The following PTPRN2 variants were observed in gnomAD, a reference collection of about 807,000 sequenced individuals.
PTPRN2 encodes protein tyrosine phosphatase receptor type N2, also known as receptor-type tyrosine-protein phosphatase N2.
Under a neutral mutation model 118.8 loss-of-function variants are expected in PTPRN2, and 74 were observed. The ratio of observed to expected loss-of-function variants is 0.62; its 90% CI spans 0.52 to 0.76. The LOEUF (loss-of-function observed/expected upper bound fraction) is 0.76, where lower values mean the gene tolerates loss of function less well. Among genes scored for constraint, PTPRN2 ranks in the 30% least tolerant of loss-of-function variants. PTPRN2 has a pLI of 0.00. For synonymous variants in PTPRN2, 641 were observed against 608.0 expected, an observed-to-expected ratio of 1.05 and a Z score of -0.80; for missense variants, 1,481 against 1,394.4, an observed-to-expected ratio of 1.06 and a Z score of -0.99.
intron 6 of PTPRN2, among the ~76,000 whole-genome samples, chr7:158,154,508 TC>T (rs749777402): frequency 6.6e-6 from 1 of 152,172 alleles, no homozygotes; most frequent in Non-Finnish European, 1.5e-5. Flanking sequence ...TTCCTTTGAC[TC>T]CCTTTGGTTC....
chr7:158,354,892 C>T (rs1808268962), intron 2 of PTPRN2, among the ~76,000 whole-genome samples: 1 of 152,132 alleles, frequency 6.6e-6, no homozygotes, highest in Non-Finnish European at 1.5e-5. Flanking sequence ...ACTGTCAAAG[C>T]TCAAGGGCAA....
intron 17 of PTPRN2, among the ~76,000 whole-genome samples, chr7:157,589,230 C>T (rs959496412): frequency 1.3e-5 from 2 of 152,170 alleles, no homozygotes; most frequent in African/African-American, 2.4e-5. Context: ...ATGGCTTCAT[C>T]GCAGGGTCAA....
intron 10 of PTPRN2, among the ~76,000 whole-genome samples, chr7:158,100,032 C>T (rs368393867): frequency 4.0e-5 from 6 of 151,690 alleles, no homozygotes; most frequent in East Asian, 3.9e-4. Flanking sequence ...GTGCACCCTC[C>T]TGCCACCCTT....
rs1804044012 is a variant in PTPRN2 at position 157,632,806 on chromosome 7, A to G, written c.2197-11297T>C. Among the ~76,000 whole-genome samples the G allele has an allele frequency of 6.6e-6, 1 of 152,242 alleles. No individual in the cohort carries two copies. On this transcript the variant is annotated intron_variant, in intron 14 of 22. Coordinates refer to ENST00000389418, the MANE Select transcript of PTPRN2 (RefSeq NM_002847.5). This position sits in a 1 kb window ranked among gnomAD's most constrained non-coding sequence, Gnocchi z 4.3. ...TGAACATAGGTAAAATACAGAGATG[A>G]ATGCTTATAAGCAATGGAAAATAAT...
intron 12 of PTPRN2, among the ~76,000 whole-genome samples, chr7:157,895,310 G>A (rs1440806473): frequency 1.3e-5 from 2 of 150,548 alleles, no homozygotes; most frequent in African/African-American, 2.5e-5. Context: ...TAAGCCAGAG[G>A]ATCTGGACGA....
At chr7:158,352,702 C>G (rs552819849) in intron 2 of PTPRN2, among the ~76,000 whole-genome samples, 12 of 152,322 alleles carry the variant, frequency 7.9e-5, no homozygotes, top group African/African-American at 2.9e-4. Flanking sequence ...TTGACAAAAA[C>G]GAATCACACC....
chr7:157,774,194 CA>C (rs1413252205), intron 12 of PTPRN2, among the ~76,000 whole-genome samples: 3 of 152,172 alleles, frequency 2.0e-5, no homozygotes, highest in African/African-American at 7.2e-5. Flanking sequence ...CAAAAACAGA[CA>C]ATCTATTTTT....
chr7:157,947,842 A>G (rs1173871636), intron 11 of PTPRN2, among the ~76,000 whole-genome samples: 5 of 152,244 alleles, frequency 3.3e-5, no homozygotes, highest in African/African-American at 1.2e-4. Context: ...GAGATCGTCA[A>G]TAAGATCAAC....
intron 2 of PTPRN2, among the ~76,000 whole-genome samples, chr7:158,481,904 A>G (rs1479212525): frequency 6.6e-6 from 1 of 152,222 alleles, no homozygotes; most frequent in Non-Finnish European, 1.5e-5. Flanking sequence ...CTTGCGATTC[A>G]TGGAGGGAGG....
chr7:157,615,350 C>T lies in PTPRN2; in HGVS notation c.2344+6012G>A, dbSNP rs1289877983. ...CTGGGGTAGTGTAGGCTGCACTCTC[C>T]GGGGAGCCGCTGACCTTGGGCTCCC... On this transcript the variant is annotated intron_variant, in intron 15 of 22. Coordinates refer to ENST00000389418, the MANE Select transcript of PTPRN2 (RefSeq NM_002847.5). This position sits in a 1 kb window ranked among gnomAD's most constrained non-coding sequence, Gnocchi z 4.3. 4 of 438,858 alleles carry T rather than the reference C, an allele frequency of 9.1e-6. No individual in the cohort carries two copies. The highest frequency in any genetic ancestry group is 2.4e-5 in the Admixed American group (1 of 40,928). 27.2% of individuals were successfully genotyped at this position (438,858 alleles called of 1,614,324 possible). A position where few individuals can be genotyped will look rare whatever the true frequency, so the allele number is the denominator to read the frequency against.
chr7:158,238,367 G>T (rs1048909216), intron 3 of PTPRN2, among the ~76,000 whole-genome samples: 2 of 152,006 alleles, frequency 1.3e-5, no homozygotes, highest in African/African-American at 2.4e-5. Context: ...AAAGCGGGGG[G>T]TGTGGGTGGC....
At chr7:158,476,129 C>T (rs144004419) in intron 2 of PTPRN2, among the ~76,000 whole-genome samples, 144 of 152,266 alleles carry the variant, frequency 9.5e-4, no homozygotes, top group African/African-American at 3.3e-3. Flanking sequence ...CTCAGCCTCC[C>T]GAGTAGCTGA....
intron 12 of PTPRN2, among the ~76,000 whole-genome samples, chr7:157,731,272 T>A (rs906767816): frequency 2.0e-5 from 3 of 152,172 alleles, no homozygotes; most frequent in African/African-American, 7.2e-5. Flanking sequence ...TTCCTGAAGG[T>A]CTGCACCAGG....
intron 2 of PTPRN2, among the ~76,000 whole-genome samples, chr7:158,388,465 T>A (rs1472654669): frequency 6.6e-6 from 1 of 152,136 alleles, no homozygotes; most frequent in African/African-American, 2.4e-5. Context: ...TCACTCACCA[T>A]CACTAGCTCT....
chr7:157,976,581 T>C (rs1197643614), intron 11 of PTPRN2, among the ~76,000 whole-genome samples: 1 of 151,662 alleles, frequency 6.6e-6, no homozygotes, highest in African/African-American at 2.4e-5. Flanking sequence ...TAGTCACGCA[T>C]GTGCCTGTGC....
chr7:158,532,902 C>T (rs1825361162), intron 1 of PTPRN2: 1 of 488,280 alleles, frequency 2.0e-6, no homozygotes. Context: ...GACGGCCAGG[C>T]TCCACCACAC....
intron 11 of PTPRN2, among the ~76,000 whole-genome samples, chr7:158,006,500 G>C (rs1051319104): frequency 3.9e-5 from 6 of 152,230 alleles, no homozygotes; most frequent in Non-Finnish European, 7.3e-5. Flanking sequence ...CCCAGCAAGG[G>C]TGAGTCCCAG....
At chr7:157,749,978 C>T (rs1191620234) in intron 12 of PTPRN2, among the ~76,000 whole-genome samples, 6 of 124,112 alleles carry the variant, frequency 4.8e-5, no homozygotes, top group South Asian at 2.8e-4. Flanking sequence ...GGGCTGTTCA[C>T]GTGATTCTGA....
chr7:157,732,170 C>G (rs369446335), intron 12 of PTPRN2, among the ~76,000 whole-genome samples: 2 of 41,462 alleles, frequency 4.8e-5, no homozygotes. Flanking sequence ...CCGTCCCATG[C>G]GCCCAGCACA....
Sources: gnomAD v4.1 joint callset for allele counts (sites outside exome capture counted in the v4.1 genomes callset) on GRCh38, gnomAD v4.1.1 for gene constraint, Gnocchi (gnomAD v3.1) non-coding constraint, MANE v1.5 for transcripts, NCBI Gene and HGNC (gene_info 2026-07-23, HGNC 2026-07-21) for gene names.